PARVB: variants seen among roughly 807,000 people sequenced by gnomAD.
PARVB encodes beta-parvin.
In PARVB, 46 loss-of-function variants were observed where a neutral mutation model predicts 47.0. The ratio of observed to expected loss-of-function variants is 0.98; its 90% CI spans 0.77 to 1.25. PARVB has a LOEUF of 1.25. Ranked by LOEUF, PARVB falls within the 50% of genes most tolerant of loss-of-function variation. The pLI is 0.00. For synonymous variants in PARVB, 196 were observed against 196.3 expected (o/e 1.00, Z 0.01); for missense variants, 473 against 471.6 (o/e 1.00, Z -0.03).
At chr22:44,156,332 T>C (rs1265056147) in intron 10 of PARVB, among the ~76,000 whole-genome samples, 1 of 145,132 alleles carries the variant, frequency 6.9e-6, no homozygotes, top group Non-Finnish European at 1.5e-5. Context: ...CAGGCCGGAG[T>C]ACAGTGGCGC....
chr22:44,153,319 T>C (rs2053850769), intron 10 of PARVB: 1 of 152,064 alleles, frequency 6.6e-6, no homozygotes, highest in Non-Finnish European at 1.5e-5. Context: ...TTTCTAGATA[T>C]TTTCTTTTTC....
intron 2 of PARVB, among the ~76,000 whole-genome samples, chr22:44,007,830 G>A (rs1371544650): frequency 6.6e-6 from 1 of 151,962 alleles, no homozygotes; most frequent in Non-Finnish European, 1.5e-5. Context: ...CTCCCAATTC[G>A]GTCCTTCCCA....
At chr22:44,028,228 C>T (rs6006622) in intron 1 of PARVB, among the ~76,000 whole-genome samples, 96,824 of 151,842 alleles carry the variant, frequency 0.64, 31,177 homozygotes, top group East Asian at 0.8. Context: ...TCTGGAGCAG[C>T]GTCACTGACC....
intron 4 of PARVB, among the ~76,000 whole-genome samples, chr22:44,131,248 TCTC>T (rs2053310547): frequency 6.6e-6 from 1 of 151,500 alleles, no homozygotes; most frequent in South Asian, 2.1e-4. Context: ...TTCAAGCACT[TCTC>T]CTGCCTCAGC....
chr22:44,065,597 A>G (rs62226420), intron 1 of PARVB, among the ~76,000 whole-genome samples: 2,701 of 152,248 alleles, frequency 0.018, 44 homozygotes, highest in South Asian at 0.036. Context: ...CACTGCACCC[A>G]ATATGTAGTC....
Position 44,155,425 on chromosome 22 carries a change from C to T in PARVB, c.844-2557C>T, listed in dbSNP as rs768610841. 3.7e-4 allele frequency among the ~76,000 whole-genome samples: 56 copies of T among 152,150 alleles called. No homozygotes were observed. The highest frequency in any genetic ancestry group is 1.2e-3 in the Admixed American group (18 of 15,282). ...GAGGGTCACCCGCTCGCAGCTGGGCCCCCCAGCCCTGCCCTCTCCTTGTGG... is the reference window on the plus strand; with the variant it reads ...GAGGGTCACCCGCTCGCAGCTGGGCTCCCCAGCCCTGCCCTCTCCTTGTGG... On this transcript the variant is annotated intron_variant, in intron 10 of 12. Transcript: ENST00000338758. This position sits in a 1 kb window ranked among gnomAD's most constrained non-coding sequence, Gnocchi z 4.8.
At chr22:44,156,278 T>C (rs975293730) in intron 10 of PARVB, among the ~76,000 whole-genome samples, 1 of 124,898 alleles carries the variant, frequency 8.0e-6, no homozygotes, top group Non-Finnish European at 1.6e-5. Context: ...TGACTTTTCA[T>C]CTTTTTTTTT....
intron 1 of PARVB, among the ~76,000 whole-genome samples, chr22:44,080,017 C>A (rs571778048): frequency 6.6e-6 from 1 of 152,224 alleles, no homozygotes; most frequent in Admixed American, 6.5e-5. Flanking sequence ...AGCCTTAGGG[C>A]CAGTTGTGAT....
chr22:44,037,035 G>T lies in PARVB; in HGVS notation c.112+12584G>T, dbSNP rs375034018. Among the ~76,000 whole-genome samples the T allele has an allele frequency of 4.3e-4, 65 of 151,786 alleles. 1 individual carries two copies. Among genetic ancestry groups the T allele is most frequent in the African/African-American group, 1.4e-3 (58 of 41,374 alleles). The stretch of plus-strand genomic sequence containing the variant: ...CTGAGAAGTGAGGGTAAAAGTTAAA[G>T]GAAGATTAAAAACAAAAAAAAAATG... On this transcript the variant is annotated intron_variant, in intron 1 of 12. Transcript: ENST00000338758.
At chr22:43,999,837 A>AC (rs1555889943) in intron 2 of PARVB, among the ~76,000 whole-genome samples, 2 of 126,334 alleles carry the variant, frequency 1.6e-5, no homozygotes, top group South Asian at 4.9e-4. Flanking sequence ...TCTATATGAA[A>AC]AAAAAAAAAA....
chr22:44,148,179 T>G, intron 9 of PARVB: 1 of 525,238 alleles, frequency 1.9e-6, no homozygotes, highest in South Asian at 2.1e-5. Flanking sequence ...CAGCCCCCAT[T>G]TCTTTCTGAC....
intron 1 of PARVB, among the ~76,000 whole-genome samples, chr22:44,034,675 GACCCCCA>G: frequency 2.0e-5 from 1 of 49,546 alleles, no homozygotes; most frequent in African/African-American, 4.4e-5. Flanking sequence ...AAGAGGCACT[GACCCCCA>G]TGCAGTCAGA....
At chr22:44,028,091 G>C (rs541264036) in intron 1 of PARVB, among the ~76,000 whole-genome samples, 1 of 152,054 alleles carries the variant, frequency 6.6e-6, no homozygotes, top group South Asian at 2.1e-4. Context: ...TGGTAGAGTC[G>C]TGAGCCAACG....
At chr22:44,069,520 T>C (rs1380674835) in intron 1 of PARVB, among the ~76,000 whole-genome samples, 2 of 151,826 alleles carry the variant, frequency 1.3e-5, no homozygotes, top group African/African-American at 4.8e-5. Flanking sequence ...TGGGTTTCTC[T>C]CTCTCTGTCT....
chr22:44,015,208 G>C (rs1199880706), intron 2 of PARVB, among the ~76,000 whole-genome samples: 2 of 151,870 alleles, frequency 1.3e-5, no homozygotes, highest in African/African-American at 4.8e-5. Flanking sequence ...AATGATACAG[G>C]AGATAGAAAG....
At chr22:44,042,588 G>C (rs1276719284) in intron 1 of PARVB, among the ~76,000 whole-genome samples, 2 of 152,224 alleles carry the variant, frequency 1.3e-5, no homozygotes, top group Admixed American at 6.5e-5. Flanking sequence ...GAGAACGTCT[G>C]CACTTTGTTA....
intron 2 of PARVB, among the ~76,000 whole-genome samples, chr22:44,007,144 G>A (rs953219113): frequency 6.6e-6 from 1 of 152,230 alleles, no homozygotes; most frequent in African/African-American, 2.4e-5. Context: ...CAAGCTCTTA[G>A]TGTGTGCGAG....
chr22:44,150,297 C>T (rs1007598259), intron 9 of PARVB: 2 of 152,104 alleles, frequency 1.3e-5, no homozygotes, highest in African/African-American at 2.4e-5. Flanking sequence ...AAGCTTGTGC[C>T]GGAGAGAAGC....
chr22:44,142,209 C>G (rs1020850458), intron 8 of PARVB: 1 of 151,878 alleles, frequency 6.6e-6, no homozygotes, highest in Non-Finnish European at 1.5e-5. Flanking sequence ...AACCCCGTCA[C>G]TACTAAAAAT....
Sources: allele counts gnomAD v4.1 joint callset (sites outside exome capture counted in the v4.1 genomes callset), GRCh38; gene constraint gnomAD v4.1.1; non-coding constraint Gnocchi (gnomAD v3.1); transcripts MANE v1.5; gene names NCBI Gene and HGNC (gene_info 2026-07-23, HGNC 2026-07-21).